Variants in TLCD4 observed in about 807,000 individuals in gnomAD.
TLCD4 encodes TLC domain-containing protein 4.
Under a neutral mutation model 24.2 loss-of-function variants are expected in TLCD4, and 7 were observed. The observed-to-expected ratio is 0.29, with a 90% CI of 0.16 to 0.54. The LOEUF (loss-of-function observed/expected upper bound fraction) is 0.54, where lower values mean the gene tolerates loss of function less well. Among genes scored for constraint, TLCD4 ranks in the 20% least tolerant of loss-of-function variants. The pLI is 0.95. For synonymous variants in TLCD4, 103 were observed against 106.4 expected (o/e 0.97, Z 0.20); for missense variants, 259 against 313.9 (o/e 0.82, Z 1.32).
intron 6 of TLCD4, among the ~76,000 whole-genome samples, chr1:95,182,249 C>A (rs1228504314): frequency 6.6e-6 from 1 of 150,786 alleles, no homozygotes; most frequent in Non-Finnish European, 1.5e-5. Context: ...ATGGCTCAAG[C>A]AATCATAGTT....
At chr1:95,100,079 T>C in the TLCD4 span, among the ~76,000 whole-genome samples, 1 of 151,884 alleles carries the variant, frequency 6.6e-6, no homozygotes, top group African/African-American at 2.4e-5. Context: ...GGTAGAGACC[T>C]GGACAACAGA....
intron 5 of TLCD4, among the ~76,000 whole-genome samples, chr1:95,167,918 T>G (rs953429867): frequency 5.3e-5 from 8 of 152,174 alleles, no homozygotes; most frequent in African/African-American, 1.9e-4. Flanking sequence ...TACTTAGTGT[T>G]GGCCCCCTGG....
chr1:95,171,987 A>G (rs1031781036), intron 5 of TLCD4, among the ~76,000 whole-genome samples: 3 of 152,182 alleles, frequency 2.0e-5, no homozygotes, highest in African/African-American at 7.2e-5. Flanking sequence ...GCACACAGGG[A>G]TAATGCCACG....
intron 1 of TLCD4, among the ~76,000 whole-genome samples, chr1:95,127,573 A>G (rs867961551): frequency 1.3e-5 from 2 of 152,202 alleles, no homozygotes; most frequent in East Asian, 3.8e-4. Flanking sequence ...TCCTTTTGTG[A>G]TCCCTCCAGG....
At chr1:95,187,219 A>G (rs1428948804) in intron 6 of TLCD4, among the ~76,000 whole-genome samples, 1 of 152,236 alleles carries the variant, frequency 6.6e-6, no homozygotes, top group Non-Finnish European at 1.5e-5. Flanking sequence ...TTAGCGTCAT[A>G]GATCAGTGGG....
chr1:95,187,475 G>T (rs12028839), intron 6 of TLCD4, among the ~76,000 whole-genome samples: 4,913 of 152,154 alleles, frequency 0.032, 180 homozygotes, highest in East Asian at 0.12. Flanking sequence ...TTTGTAGACT[G>T]TCCCTCAATT....
chr1:95,141,068 C>T (rs1677185460), intron 1 of TLCD4, among the ~76,000 whole-genome samples: 1 of 152,164 alleles, frequency 6.6e-6, no homozygotes, highest in Admixed American at 6.5e-5. Flanking sequence ...TAATGGAAGT[C>T]ACAGCTTGAA....
In TLCD4 at chr1:95,195,031, C is replaced by T. The variant is rs1679150054; in HGVS notation, c.*3163C>T. 6.6e-6 allele frequency: 1 copy of T among 152,134 alleles called. No homozygotes were observed. The highest frequency in any genetic ancestry group is 2.1e-4 in the South Asian group (1 of 4,830). The allele number at this position is 152,134 out of a possible 1,614,324, so 9.4% of individuals were successfully genotyped here. ...GTTGTTACCACCCCTAAGAGTGACT[C>T]TGATATATTATGGATGACCCAGGAC... On this transcript the variant is annotated 3_prime_UTR_variant, in exon 7 of 7. Coordinates refer to ENST00000370203, the MANE Select transcript of TLCD4 (RefSeq NM_152487.3).
In TLCD4 at chr1:95,148,694, A is replaced by C. The variant is rs755019695; in HGVS notation, c.156-8A>C. 6.2e-7 allele frequency: 1 copy of C among 1,611,604 alleles called. No individual in the cohort carries two copies. The highest frequency in any genetic ancestry group is 8.5e-7 in the Non-Finnish European group (1 of 1,179,276). The stretch of plus-strand genomic sequence containing the variant: ...TAAAATCTTTGTGTGTATTTTGTTT[A>C]ATTTCAGGGTAGTATCCACATGCCA... On this transcript the variant is annotated splice_region_variant and splice_polypyrimidine_tract_variant and intron_variant, in intron 2 of 6. Coordinates refer to ENST00000370203, the MANE Select transcript of TLCD4 (RefSeq NM_152487.3).
rs1571797318 is a variant in TLCD4, at chr1:95,192,927, G to A, written c.*1059G>A. The A allele has an allele frequency of 6.6e-6, 1 of 152,080 alleles. No homozygotes were observed. Among genetic ancestry groups the A allele is most frequent in the East Asian group, 1.9e-4 (1 of 5,188 alleles). 9.4% of individuals were successfully genotyped at this position (152,080 alleles called of 1,614,324 possible). A position where few individuals can be genotyped will look rare whatever the true frequency, so the allele number is the denominator to read the frequency against. On this transcript the variant is annotated 3_prime_UTR_variant, in exon 7 of 7. Coordinates refer to ENST00000370203, the MANE Select transcript of TLCD4 (RefSeq NM_152487.3). ...TCTTCTAAAAATGCATGTTGATAGA[G>A]GACTATTTAGGCTAATCGGAGGAAT...
At chr1:95,106,689 C>A in the TLCD4 span, among the ~76,000 whole-genome samples, 5 of 152,094 alleles carry the variant, frequency 3.3e-5, no homozygotes, top group African/African-American at 1.2e-4. Context: ...TGTGACCCAT[C>A]TCAAAACAAA....
intron 1 of TLCD4, among the ~76,000 whole-genome samples, chr1:95,128,479 A>C (rs1243223177): frequency 1.3e-5 from 2 of 152,228 alleles, no homozygotes; most frequent in African/African-American, 4.8e-5. Flanking sequence ...GTTTTGTTAA[A>C]ATCCAGTTAA....
upstream of TLCD4, among the ~76,000 whole-genome samples, chr1:95,113,215 G>A (rs938281336): frequency 3.3e-5 from 5 of 151,698 alleles, no homozygotes; most frequent in Non-Finnish European, 5.9e-5. Flanking sequence ...GCTACTTTTC[G>A]TATTTTTAGT....
intron 1 of TLCD4, 75 bp from the exon 2 acceptor site, chr1:95,143,816 A>G (rs1421536086): frequency 2.4e-6 from 3 of 1,251,626 alleles, no homozygotes; most frequent in Admixed American, 6.2e-5. Flanking sequence ...ATTACAAGAC[A>G]TATTTCTTAA....
chr1:95,100,406 C>A, the TLCD4 span, among the ~76,000 whole-genome samples: 1 of 151,848 alleles, frequency 6.6e-6, no homozygotes, highest in African/African-American at 2.4e-5. Flanking sequence ...AAAACCTTGT[C>A]TCTACTAAAA....
intron 6 of TLCD4, among the ~76,000 whole-genome samples, chr1:95,184,127 C>T (rs1316846275): frequency 6.6e-6 from 1 of 152,192 alleles, no homozygotes; most frequent in Non-Finnish European, 1.5e-5. Flanking sequence ...AGAAACAGTA[C>T]AGCATCCAAA....
At chr1:95,115,522 C>G (rs1676413174), upstream of TLCD4, among the ~76,000 whole-genome samples, 1 of 152,198 alleles carries the variant, frequency 6.6e-6, no homozygotes, top group African/African-American at 2.4e-5. Flanking sequence ...TTAAAACTTG[C>G]AACATTCAAC....
chr1:95,130,813 A>G (rs1676870152), intron 1 of TLCD4, among the ~76,000 whole-genome samples: 1 of 152,240 alleles, frequency 6.6e-6, no homozygotes, highest in African/African-American at 2.4e-5. Context: ...TTTTGAATGT[A>G]TATCATGTTA....
In TLCD4 at chr1:95,143,973, CT is replaced by C; in HGVS notation, c.75del (p.Phe25LeufsTer2). 1 of 1,576,710 alleles carries C rather than the reference CT, an allele frequency of 6.3e-7. No homozygotes were observed. Among genetic ancestry groups the C allele is most frequent in the Non-Finnish European group, 8.6e-7 (1 of 1,162,452 alleles). On this transcript the variant is annotated frameshift_variant, in exon 2 of 7. Transcript: ENST00000370203. LOFTEE classifies it high-confidence loss of function. The part of the protein sequence containing the change: ...SFFTFQLLFY[F>X]VSYWFSAKVS... ...TTTTCACCTTTCAGCTTCTTTTCTA[CT>C]TTGTAAGTTACTGGTTTTCAGCAAA...
Sources: gnomAD v4.1 joint callset for allele counts (sites outside exome capture counted in the v4.1 genomes callset) on GRCh38, gnomAD v4.1.1 for gene constraint, MANE v1.5 for transcripts, NCBI Gene and HGNC (gene_info 2026-07-23, HGNC 2026-07-21) for gene names.